The following PIK3R4 variants were observed in gnomAD, a reference collection of about 807,000 sequenced individuals.
PIK3R4 encodes the protein phosphoinositide-3-kinase regulatory subunit 4, also known as phosphoinositide 3-kinase regulatory subunit 4.
A neutral mutation model predicts 136.5 loss-of-function variants in PIK3R4; 46 were observed. That is an observed-to-expected ratio of 0.34 (90% CI 0.27 to 0.43). The LOEUF (loss-of-function observed/expected upper bound fraction) is 0.43. Ranked by LOEUF, PIK3R4 falls within the 20% of genes least tolerant of loss-of-function variation. PIK3R4 has a pLI of 1.00. For synonymous variants in PIK3R4, 557 were observed against 566.7 expected (o/e 0.98, Z 0.24); for missense variants, 1,331 against 1,649.5 (o/e 0.81, Z 3.35).
At chr3:130,696,867 C>A (rs921760309) in intron 13 of PIK3R4, among the ~76,000 whole-genome samples, 2 of 152,034 alleles carry the variant, frequency 1.3e-5, no homozygotes, top group East Asian at 1.9e-4. Flanking sequence ...ACTATTATAA[C>A]TGAATTATCT....
In PIK3R4 at chr3:130,733,586, G is replaced by C; in HGVS notation, c.1412C>G (p.Ala471Gly). The C allele has an allele frequency of 6.2e-7, 1 of 1,613,722 alleles. No individual in the cohort carries two copies. Among genetic ancestry groups the C allele is most frequent in the Non-Finnish European group, 8.5e-7 (1 of 1,179,618 alleles). ...EYILPGIAHL[A>G]QDDATIVRLA... ...TCTAACGATAGTAGCATCATCTTGG[G>C]CTAAGTGGGCTATGCCTGGCAGAAT... Residue 471 changes from alanine to glycine, a missense_variant, in exon 4 of 20, where the codon GCC becomes GGC. By Grantham distance (60) the Ala-to-Gly change is moderately conservative (BLOSUM62 0). Coordinates refer to ENST00000356763, the MANE Select transcript of PIK3R4 (RefSeq NM_014602.3).
intron 9 of PIK3R4, among the ~76,000 whole-genome samples, chr3:130,715,725 T>C (rs773427808): frequency 6.6e-6 from 1 of 152,186 alleles, no homozygotes; most frequent in Non-Finnish European, 1.5e-5. Context: ...ACTCTGATGA[T>C]GGTTTCTTTT....
intron 7 of PIK3R4, among the ~76,000 whole-genome samples, chr3:130,719,891 T>C (rs1027937497): frequency 3.9e-5 from 6 of 152,286 alleles, no homozygotes; most frequent in African/African-American, 1.4e-4. Flanking sequence ...CTCGTGCTTC[T>C]GCCATCACCA....
chr3:130,721,038 TAA>T, intron 7 of PIK3R4, among the ~76,000 whole-genome samples: 1 of 144,688 alleles, frequency 6.9e-6, no homozygotes. Context: ...CCCTGTGTCT[TAA>T]AAAAAAAAAA....
At position 130,708,440 on chromosome 3, in the gene PIK3R4, A is replaced by T; in HGVS notation, c.2384T>A (p.Met795Lys). The change falls in exon 10 of 20, where the codon ATG becomes AAG. Residue 795 changes from methionine (M) to lysine (K), a missense_variant. Met to Lys is a moderately conservative substitution (Grantham distance 95). Around this residue, in one of 2 missense-constraint regions of PIK3R4, gnomAD observed 1,180 missense variants for 1,407.0 expected, o/e 0.84. Transcript: ENST00000356763. ...DKLLALKDFM[M>K]KSNKAKANIV... is the part of the protein sequence containing the mutation. Reference sequence around the variant, plus strand: ...ATTGGCCTTTGCTTTATTAGATTTCATCATGAAGTCTTTCAGTGCCAGAAG... The same window carrying T: ...ATTGGCCTTTGCTTTATTAGATTTCTTCATGAAGTCTTTCAGTGCCAGAAG... 6.2e-7 allele frequency: 1 copy of T among 1,613,586 alleles called. No homozygotes were observed. The highest frequency in any genetic ancestry group is 2.2e-5 in the East Asian group (1 of 44,832).
At position 130,679,388 on chromosome 3, in the gene PIK3R4, A is replaced by ACAT; in HGVS notation, c.4001_4003dup (p.Asp1334dup). ...GCCCTGTGTGGTCTGGAATGTGGCG[A>ACAT]CATCAGTGATGATGTCATGATGTCC... is the stretch of plus-strand genomic sequence containing the variant. On this transcript the variant is annotated inframe_insertion, in exon 20 of 20. Transcript: ENST00000356763. 6.2e-7 allele frequency: 1 copy of ACAT among 1,613,242 alleles called. No individual in the cohort carries two copies. The highest frequency in any genetic ancestry group is 8.5e-7 in the Non-Finnish European group (1 of 1,179,260).
chr3:130,681,005 G>A lies in PIK3R4; in HGVS notation c.3769C>T (p.Leu1257=), dbSNP rs1331624554. 3.2e-6 allele frequency: 5 copies of A among 1,581,842 alleles called. No homozygotes were observed. Among genetic ancestry groups the A allele is most frequent in the Middle Eastern group, 3.4e-4 (2 of 5,950 alleles). The part of the protein sequence containing the change: ...CSPADGNPIL[L]TAGSDMKIRF... Reference sequence around the variant, plus strand: ...ATTTTCATATCTGAGCCAGCTGTTAGTAGGATAGGATTTCCATCTGCAGGA... The same window carrying A: ...ATTTTCATATCTGAGCCAGCTGTTAATAGGATAGGATTTCCATCTGCAGGA... The change falls in exon 18 of 20, where the codon CTA becomes TTA. Residue 1257 remains leucine, a synonymous_variant. Transcript: ENST00000356763.
At chr3:130,742,678 TTCA>T (rs2066830905) in intron 2 of PIK3R4, among the ~76,000 whole-genome samples, 1 of 152,246 alleles carries the variant, frequency 6.6e-6, no homozygotes, top group East Asian at 1.9e-4. Flanking sequence ...AATACATTCA[TTCA>T]TCAATTAATT....
At chr3:130,701,253 C>T (rs1336930463) in intron 13 of PIK3R4, among the ~76,000 whole-genome samples, 5 of 151,928 alleles carry the variant, frequency 3.3e-5, no homozygotes, top group East Asian at 1.9e-4. Context: ...GGCTCACACC[C>T]GTAAACTCAG....
chr3:130,746,764 A>T lies in PIK3R4; in HGVS notation c.-493T>A, dbSNP rs1331343783. The T allele has an allele frequency of 6.6e-6, 1 of 151,978 alleles. No homozygotes were observed. Among genetic ancestry groups the T allele is most frequent in the African/African-American group, 2.4e-5 (1 of 41,156 alleles). 9.4% of individuals were successfully genotyped at this position (151,978 alleles called of 1,614,324 possible). On this transcript the variant is annotated 5_prime_UTR_variant, in exon 1 of 20. Transcript: ENST00000356763. ...TGCAGACCGCCAGTCCCAAGAAAACACTACACTTCAGCTGCTGCAGCCCCA... is the reference window on the plus strand; with the variant it reads ...TGCAGACCGCCAGTCCCAAGAAAACTCTACACTTCAGCTGCTGCAGCCCCA...
chr3:130,685,467 T>C (rs930446419), intron 15 of PIK3R4, among the ~76,000 whole-genome samples: 1 of 152,202 alleles, frequency 6.6e-6, no homozygotes, highest in Non-Finnish European at 1.5e-5. Context: ...AATGGAAATA[T>C]ATGTCCTTAC....
intron 7 of PIK3R4, among the ~76,000 whole-genome samples, chr3:130,720,162 A>G (rs1027025304): frequency 1.3e-5 from 2 of 152,196 alleles, no homozygotes; most frequent in East Asian, 1.9e-4. Context: ...GCCTGAATCT[A>G]AAGAACTGCC....
Position 130,681,076 on chromosome 3 carries a change from A to G in PIK3R4, c.3709-11T>C, listed in dbSNP as rs780223988. Reference sequence around the variant, plus strand: ...GCTATGAGGAGAAGGCTTAAAAGAAATAGATGTGGAGTCAAATAAAAGACA... The same window carrying G: ...GCTATGAGGAGAAGGCTTAAAAGAAGTAGATGTGGAGTCAAATAAAAGACA... On this transcript the variant is annotated splice_polypyrimidine_tract_variant and intron_variant, in intron 17 of 19. Transcript: ENST00000356763. The G allele has an allele frequency of 7.1e-7, 1 of 1,411,612 alleles. No homozygotes were observed. Among genetic ancestry groups the G allele is most frequent in the Admixed American group, 1.7e-5 (1 of 59,776 alleles). 87.4% of individuals were successfully genotyped at this position (1,411,612 alleles called of 1,614,324 possible).
chr3:130,690,415 T>C, intron 14 of PIK3R4, 75 bp downstream of exon 14: 1 of 892,408 alleles, frequency 1.1e-6, no homozygotes, highest in Non-Finnish European at 1.6e-6. Flanking sequence ...CCAACTACAT[T>C]GCAGGGTAGA....
chr3:130,733,700 AC>A lies in PIK3R4; in HGVS notation c.1297del (p.Val433Ter). The A allele has an allele frequency of 6.2e-7, 1 of 1,614,170 alleles. No individual in the cohort carries two copies. The highest frequency in any genetic ancestry group is 1.6e-4 in the Middle Eastern group (1 of 6,062). ...CAACGTCCTCAAGGCTTCAGCCCTCACCCTAGGAACAGAGTCATTGCTGAAA... is the reference window on the plus strand; with the variant it reads ...CAACGTCCTCAAGGCTTCAGCCCTCACCTAGGAACAGAGTCATTGCTGAAA... ...LHFSNDSVPR[V>X]RAEALRTLTK... On this transcript the variant is annotated frameshift_variant, in exon 4 of 20. Transcript: ENST00000356763. LOFTEE classifies it high-confidence loss of function.
At chr3:130,739,268 G>T (rs971597787) in intron 2 of PIK3R4, among the ~76,000 whole-genome samples, 4 of 152,174 alleles carry the variant, frequency 2.6e-5, no homozygotes, top group Non-Finnish European at 5.9e-5. Flanking sequence ...AGTAGAGACG[G>T]GGTTTCACCG....
At chr3:130,687,153 T>C (rs1311226372) in intron 14 of PIK3R4, among the ~76,000 whole-genome samples, 1 of 151,172 alleles carries the variant, frequency 6.6e-6, no homozygotes, top group East Asian at 1.9e-4. Flanking sequence ...AAACATGAAA[T>C]TCATTTGTTT....
intron 8 of PIK3R4, among the ~76,000 whole-genome samples, chr3:130,716,869 G>A (rs1158831210): frequency 6.6e-6 from 1 of 152,100 alleles, no homozygotes; most frequent in Non-Finnish European, 1.5e-5. Context: ...AACAAAAAGA[G>A]CCTTTTCTAG....
intron 6 of PIK3R4, chr3:130,725,919 A>C (rs1045635746): frequency 6.6e-6 from 1 of 152,134 alleles, no homozygotes; most frequent in Non-Finnish European, 1.5e-5. Flanking sequence ...GGCAAGGACT[A>C]AGTAAAGCCT....
Sources: allele counts gnomAD v4.1 joint callset (sites outside exome capture counted in the v4.1 genomes callset), GRCh38; gene constraint gnomAD v4.1.1; regional missense constraint gnomAD v4.1.1; transcripts MANE v1.5; gene names NCBI Gene and HGNC (gene_info 2026-07-23, HGNC 2026-07-21).